CGGBP1: variants seen among roughly 807,000 people sequenced by gnomAD.
CGGBP1 encodes the protein CGG triplet repeat binding protein 1.
In CGGBP1, 4 loss-of-function variants were observed where a neutral mutation model predicts 11.4. The ratio of observed to expected loss-of-function variants is 0.35; its 90% CI spans 0.17 to 0.80. The LOEUF is 0.80. CGGBP1 is among the 30% of genes least tolerant of loss of function. The pLI is 0.52. For missense variants in CGGBP1, 135 were observed against 202.1 expected (o/e 0.67, Z 2.01); for synonymous variants, 76 against 74.1 (o/e 1.03, Z -0.13).
chr3:88,120,770 AAAAT>A (rs1303743080), intron 2 of CGGBP1, among the ~76,000 whole-genome samples: 1 of 150,850 alleles, frequency 6.6e-6, no homozygotes, highest in Admixed American at 6.7e-5. Flanking sequence ...GGATGAAACT[AAAAT>A]AATGTTTTAA....
intron 2 of CGGBP1, among the ~76,000 whole-genome samples, chr3:88,114,313 G>C (rs1202228911): frequency 6.6e-6 from 1 of 152,138 alleles, no homozygotes. Flanking sequence ...AGAGATGTTG[G>C]CTGACCACTG....
At chr3:88,113,234 T>G in intron 2 of CGGBP1, 8 of 1,312,810 alleles carry the variant, frequency 6.1e-6, no homozygotes, top group Non-Finnish European at 8.4e-6. Flanking sequence ...TTGTCTACAC[T>G]TAAAATAGAC....
At chr3:88,135,808 T>G (rs1412510731) in intron 2 of CGGBP1, among the ~76,000 whole-genome samples, 2 of 152,090 alleles carry the variant, frequency 1.3e-5, no homozygotes, top group Non-Finnish European at 2.9e-5. Context: ...CCCCAAAATA[T>G]CAATAAGACT....
intron 2 of CGGBP1, chr3:88,086,362 G>A (rs1453201424): frequency 1.3e-6 from 2 of 1,535,570 alleles, no homozygotes; most frequent in African/African-American, 2.7e-5. Context: ...ATTCCCAGAT[G>A]AATGTGAGCA....
chr3:88,145,782 GGAA>G (rs1369928522), intron 1 of CGGBP1, among the ~76,000 whole-genome samples: 1 of 152,114 alleles, frequency 6.6e-6, no homozygotes, highest in African/African-American at 2.4e-5. Flanking sequence ...CACATTGGGG[GGAA>G]GAAATGGCTT....
At chr3:88,141,732 A>G (rs1455934678) in intron 1 of CGGBP1, 8 of 1,135,356 alleles carry the variant, frequency 7.0e-6, no homozygotes, top group African/African-American at 1.6e-5. Flanking sequence ...TCAGTTTGCT[A>G]TTTCCCTGAT....
At chr3:88,114,823 C>G (rs1338960032) in intron 2 of CGGBP1, among the ~76,000 whole-genome samples, 1 of 152,174 alleles carries the variant, frequency 6.6e-6, no homozygotes, top group Non-Finnish European at 1.5e-5. Flanking sequence ...ATCATGTATA[C>G]CTCCCTAAAA....
chr3:88,062,871 T>G (rs574185335), upstream of CGGBP1, among the ~76,000 whole-genome samples: 1 of 152,358 alleles, frequency 6.6e-6, no homozygotes, highest in Non-Finnish European at 1.5e-5. Context: ...CTATTAATAT[T>G]TCTCTCGTAA....
intron 2 of CGGBP1, among the ~76,000 whole-genome samples, chr3:88,070,100 C>T (rs763255139): frequency 6.6e-6 from 1 of 152,118 alleles, no homozygotes; most frequent in Non-Finnish European, 1.5e-5. Flanking sequence ...GATGGGAGTA[C>T]AGATCACCAC....
intron 2 of CGGBP1, among the ~76,000 whole-genome samples, chr3:88,108,886 C>A (rs1704908292): frequency 6.6e-6 from 1 of 152,158 alleles, no homozygotes; most frequent in African/African-American, 2.4e-5. Flanking sequence ...AACAAATTTC[C>A]TATCTCTGAA....
chr3:88,108,518 A>G (rs1704885317), intron 2 of CGGBP1, among the ~76,000 whole-genome samples: 1 of 152,218 alleles, frequency 6.6e-6, no homozygotes, highest in Admixed American at 6.5e-5. Context: ...AGAATATTCC[A>G]GAAATAATAC....
intron 2 of CGGBP1, among the ~76,000 whole-genome samples, chr3:88,074,821 C>T (rs1707711700): frequency 6.6e-6 from 1 of 152,156 alleles, no homozygotes; most frequent in African/African-American, 2.4e-5. Flanking sequence ...GATGGATGCA[C>T]AGAAAACAGG....
At chr3:88,090,834 A>G (rs575854508) in intron 2 of CGGBP1, among the ~76,000 whole-genome samples, 2 of 152,340 alleles carry the variant, frequency 1.3e-5, no homozygotes, top group South Asian at 4.1e-4. Context: ...CATAAAATAC[A>G]GTAACACTGA....
intron 2 of CGGBP1, among the ~76,000 whole-genome samples, chr3:88,127,529 G>T (rs1706189278): frequency 6.6e-6 from 1 of 152,100 alleles, no homozygotes; most frequent in African/African-American, 2.4e-5. Flanking sequence ...CAAATATAGG[G>T]AAGGCAAGGG....
chr3:88,100,040 C>T (rs1324704182), intron 2 of CGGBP1, among the ~76,000 whole-genome samples: 1 of 152,168 alleles, frequency 6.6e-6, no homozygotes, highest in Non-Finnish European at 1.5e-5. Context: ...AACAGGCAAC[C>T]TGCAGAATGG....
chr3:88,071,313 C>G (rs1196265552), intron 2 of CGGBP1, among the ~76,000 whole-genome samples: 1 of 151,826 alleles, frequency 6.6e-6, no homozygotes, highest in Non-Finnish European at 1.5e-5. Flanking sequence ...AGTTTGAGAC[C>G]AGCCTGGCCA....
At chr3:88,141,444 T>C (rs184138182) in intron 1 of CGGBP1, among the ~76,000 whole-genome samples, 246 of 152,130 alleles carry the variant, frequency 1.6e-3, no homozygotes, top group African/African-American at 5.1e-3. Flanking sequence ...ATAAATCAAG[T>C]GAATCTGTGT....
At chr3:88,117,488 A>G (rs750989491) in intron 2 of CGGBP1, among the ~76,000 whole-genome samples, 10 of 152,206 alleles carry the variant, frequency 6.6e-5, no homozygotes, top group Non-Finnish European at 1.2e-4. Flanking sequence ...TAAATAGTCT[A>G]AATACTTGGA....
chr3:88,125,731 C>T (rs1576330503), intron 2 of CGGBP1, among the ~76,000 whole-genome samples: 2 of 152,172 alleles, frequency 1.3e-5, no homozygotes, highest in South Asian at 2.1e-4. Context: ...AGACACCCCA[C>T]GCCCCCTGCC....
Sources: gnomAD v4.1 joint callset for allele counts (sites outside exome capture counted in the v4.1 genomes callset) on GRCh38, gnomAD v4.1.1 for gene constraint, MANE v1.5 for transcripts, NCBI Gene and HGNC (gene_info 2026-07-23, HGNC 2026-07-21) for gene names.